CLEC16A: variants seen among roughly 807,000 people sequenced by gnomAD.
CLEC16A encodes protein CLEC16A.
In CLEC16A, 51 loss-of-function variants were observed where a neutral mutation model predicts 109.5. The ratio of observed to expected loss-of-function variants is 0.47; its 90% CI spans 0.37 to 0.59. The LOEUF is 0.59. Ranked by LOEUF, CLEC16A falls within the 20% of genes least tolerant of loss-of-function variation. The pLI, the probability that CLEC16A is intolerant of heterozygous loss-of-function variation, is 0.00. For synonymous variants in CLEC16A, 673 were observed against 564.2 expected (o/e 1.19, Z -2.73); for missense variants, 1,339 against 1,394.0 (o/e 0.96, Z 0.63).
At chr16:10,999,784 A>C (rs1476214284) in intron 10 of CLEC16A, among the ~76,000 whole-genome samples, 1 of 151,998 alleles carries the variant, frequency 6.6e-6, no homozygotes, top group Non-Finnish European at 1.5e-5. Flanking sequence ...AAAGAAGGTA[A>C]TGTTTTGTGT....
At chr16:11,024,683 C>T (rs2046310525) in intron 12 of CLEC16A, 138 bp from the exon 13 acceptor site, 12 of 637,420 alleles carry the variant, frequency 1.9e-5, no homozygotes, top group Admixed American at 1.4e-4. Flanking sequence ...GTCCTCAGTG[C>T]GTGGTGCTGG....
intron 11 of CLEC16A, among the ~76,000 whole-genome samples, chr16:11,017,000 C>CGG (rs34524116): frequency 4.0e-4 from 21 of 52,414 alleles, no homozygotes; most frequent in African/African-American, 1.3e-3. Flanking sequence ...AATATCGGGG[C>CGG]GGGGGGGGGG....
At chr16:11,148,917 C>T (rs1197040891) in intron 22 of CLEC16A, among the ~76,000 whole-genome samples, 3 of 152,180 alleles carry the variant, frequency 2.0e-5, no homozygotes, top group Non-Finnish European at 4.4e-5. Flanking sequence ...GCAGGATGTA[C>T]TTCTATCCAT....
At chr16:11,166,364 G>A in intron 22 of CLEC16A, 24 bp from the exon 23 acceptor site, 1 of 1,576,336 alleles carries the variant, frequency 6.3e-7, no homozygotes, top group Non-Finnish European at 8.6e-7. Flanking sequence ...CTTCCACTTG[G>A]TCACCTGGTA....
intron 19 of CLEC16A, among the ~76,000 whole-genome samples, chr16:11,116,234 A>T (rs1275603054): frequency 1.4e-5 from 2 of 143,186 alleles, no homozygotes; most frequent in African/African-American, 2.5e-5. Flanking sequence ...TACTAAAAAT[A>T]AAAAAAAAAA....
chr16:11,080,991 G>A (rs957078262), intron 19 of CLEC16A, among the ~76,000 whole-genome samples: 2 of 152,356 alleles, frequency 1.3e-5, no homozygotes, highest in East Asian at 1.9e-4. Flanking sequence ...CACCCCAGGT[G>A]GGATGCAGAA....
intron 12 of CLEC16A, among the ~76,000 whole-genome samples, chr16:11,023,381 A>C (rs978745412): frequency 6.6e-6 from 1 of 152,170 alleles, no homozygotes; most frequent in African/African-American, 2.4e-5. Context: ...GCTGATTTAC[A>C]AGAAAATGTT....
chr16:11,054,985 T>C (rs976783248), intron 18 of CLEC16A, among the ~76,000 whole-genome samples: 5 of 152,046 alleles, frequency 3.3e-5, no homozygotes, highest in Admixed American at 2.0e-4. Context: ...GCTGATCCTT[T>C]TTAGAAACTC....
chr16:11,173,410 C>T (rs2068607935), intron 23 of CLEC16A, among the ~76,000 whole-genome samples: 2 of 152,058 alleles, frequency 1.3e-5, no homozygotes, highest in African/African-American at 4.8e-5. Context: ...GAGATGCTCC[C>T]GACGTTTTTA....
chr16:11,032,833 G>A (rs966860382), intron 13 of CLEC16A, among the ~76,000 whole-genome samples: 1 of 152,226 alleles, frequency 6.6e-6, no homozygotes, highest in African/African-American at 2.4e-5. Flanking sequence ...CAGGGGCCAG[G>A]TCATGAAGGG....
At chr16:10,997,105 G>A (rs1479326944) in intron 10 of CLEC16A, among the ~76,000 whole-genome samples, 1 of 152,138 alleles carries the variant, frequency 6.6e-6, no homozygotes, top group East Asian at 1.9e-4. Context: ...GGGACTGCAG[G>A]CATGCACCAC....
intron 22 of CLEC16A, 200 bp downstream of exon 22, chr16:11,126,346 T>TGTTTG (rs1567358858): frequency 6.8e-7 from 1 of 1,465,912 alleles, no homozygotes; most frequent in Non-Finnish European, 9.0e-7. Context: ...TTCCCTTTAG[T>TGTTTG]GTTTGGTTTG....
At chr16:10,966,377 A>G (rs1278357188) in intron 3 of CLEC16A, among the ~76,000 whole-genome samples, 1 of 152,176 alleles carries the variant, frequency 6.6e-6, no homozygotes, top group Non-Finnish European at 1.5e-5. Flanking sequence ...ATGTGCTAGA[A>G]GCAGAATAAG....
intron 11 of CLEC16A, among the ~76,000 whole-genome samples, chr16:11,016,674 T>C (rs1403736463): frequency 6.6e-6 from 1 of 152,212 alleles, no homozygotes; most frequent in East Asian, 1.9e-4. Flanking sequence ...TACTGTTTGC[T>C]CTGCTGTTTA....
intron 22 of CLEC16A, among the ~76,000 whole-genome samples, chr16:11,161,002 T>C (rs1478702548): frequency 6.6e-6 from 1 of 152,240 alleles, no homozygotes; most frequent in Non-Finnish European, 1.5e-5. Context: ...CACGACTAGC[T>C]TCTGGGTTCT....
At chr16:10,981,406 G>T (rs1335048330) in intron 9 of CLEC16A, among the ~76,000 whole-genome samples, 1 of 152,132 alleles carries the variant, frequency 6.6e-6, no homozygotes, top group Admixed American at 6.5e-5. Flanking sequence ...CATACTATGT[G>T]GTCTCTGTGA....
intron 10 of CLEC16A, among the ~76,000 whole-genome samples, chr16:10,988,172 T>A (rs1180188399): frequency 6.6e-6 from 1 of 152,234 alleles, no homozygotes. Flanking sequence ...AGAATGAACA[T>A]ATAGATTAGA....
Position 11,046,613 on chromosome 16 carries a change from G to C in CLEC16A, c.1816-679G>C, listed in dbSNP as rs563243499. On this transcript the variant is annotated intron_variant, in intron 16 of 23. Transcript: ENST00000409790. ...CGAGTGACAGGTTCTGTGCCTCCTC[G>C]CATTTCATGTGCATTAACTCATTTC... Among the ~76,000 whole-genome samples, 359 of 152,104 alleles carry C rather than the reference G, an allele frequency of 2.4e-3. 2 individuals are homozygous for C. Among genetic ancestry groups the C allele is most frequent in the Non-Finnish European group, 4.0e-3 (275 of 68,020 alleles).
chr16:10,949,869 G>A (rs993408932), intron 1 of CLEC16A, among the ~76,000 whole-genome samples: 16 of 152,102 alleles, frequency 1.1e-4, no homozygotes, highest in African/African-American at 3.4e-4. Context: ...CCTGTTGGTG[G>A]TCCACTCACA....
Sources: gnomAD v4.1 joint callset for allele counts (sites outside exome capture counted in the v4.1 genomes callset) on GRCh38, gnomAD v4.1.1 for gene constraint, MANE v1.5 for transcripts, NCBI Gene and HGNC (gene_info 2026-07-23, HGNC 2026-07-21) for gene names.